CAV1: variants seen among roughly 807,000 people sequenced by gnomAD.
CAV1 encodes the protein caveolin-1.
In CAV1, 10 loss-of-function variants were observed where a neutral mutation model predicts 16.5. The ratio of observed to expected loss-of-function variants is 0.61; its 90% CI spans 0.37 to 1.03. The LOEUF (loss-of-function observed/expected upper bound fraction) is 1.03, where lower values mean the gene tolerates loss of function less well. CAV1 is among the 50% of genes least tolerant of loss of function. The pLI is 0.01. For missense variants in CAV1, 212 were observed against 232.8 expected (o/e 0.91, Z 0.58); for synonymous variants, 76 against 85.1 (o/e 0.89, Z 0.59).
chr7:116,554,763 C>T (rs1025249832), intron 2 of CAV1, among the ~76,000 whole-genome samples: 5 of 152,056 alleles, frequency 3.3e-5, no homozygotes, highest in African/African-American at 1.2e-4. Context: ...GGTGTCCTAA[C>T]TTAAAGTGGA....
intron 2 of CAV1, among the ~76,000 whole-genome samples, chr7:116,531,420 G>A (rs193005033): frequency 8.4e-4 from 128 of 152,280 alleles, no homozygotes; most frequent in Non-Finnish European, 1.4e-3. Flanking sequence ...GAAAATGCAC[G>A]CAGGTGATAA....
At chr7:116,532,077 C>T (rs1793696920) in intron 2 of CAV1, among the ~76,000 whole-genome samples, 2 of 152,186 alleles carry the variant, frequency 1.3e-5, no homozygotes, top group Non-Finnish European at 2.9e-5. Context: ...TCGGTTTTAA[C>T]TGAACATGAT....
chr7:116,537,694 C>A (rs1311787683), intron 2 of CAV1, among the ~76,000 whole-genome samples: 1 of 152,152 alleles, frequency 6.6e-6, no homozygotes, highest in Non-Finnish European at 1.5e-5. Context: ...ACTGGGTGAG[C>A]AGCTTATGGT....
At chr7:116,532,780 A>G (rs1259021590) in intron 2 of CAV1, among the ~76,000 whole-genome samples, 2 of 152,210 alleles carry the variant, frequency 1.3e-5, no homozygotes, top group Admixed American at 1.3e-4. Context: ...GAATGTGGTG[A>G]TTCTAAAGTA....
chr7:116,560,060 G>T lies in CAV1; in HGVS notation c.*773G>T. On this transcript the variant is annotated 3_prime_UTR_variant, in exon 3 of 3. Coordinates refer to ENST00000341049, the MANE Select transcript of CAV1 (RefSeq NM_001753.5). ...ATATCCATGACCTAGTTTTCCATGC[G>T]TGTTTCTGACTCTGAGCTACAGAGT... 5.3e-6 allele frequency: 2 copies of T among 380,238 alleles called. No homozygotes were observed. Among genetic ancestry groups the T allele is most frequent in the Non-Finnish European group, 9.3e-6 (2 of 214,526 alleles). 23.6% of individuals were successfully genotyped at this position (380,238 alleles called of 1,614,324 possible).
chr7:116,525,934 G>C, intron 1 of CAV1: 1 of 723,150 alleles, frequency 1.4e-6, no homozygotes, highest in African/African-American at 1.9e-5. Context: ...GAGGGCCGAG[G>C]CAGGGTGGGG....
At chr7:116,537,548 A>T (rs1030308380) in intron 2 of CAV1, among the ~76,000 whole-genome samples, 1 of 152,216 alleles carries the variant, frequency 6.6e-6, no homozygotes, top group Non-Finnish European at 1.5e-5. Context: ...TGGTAGAGTC[A>T]GGGTTTGAAC....
chr7:116,555,500 G>GGA (rs1794249847), intron 2 of CAV1, among the ~76,000 whole-genome samples: 2 of 5,868 alleles, frequency 3.4e-4, no homozygotes, highest in African/African-American at 5.5e-4. Flanking sequence ...AAGAAAGAAA[G>GGA]AAAGAAAGAA....
chr7:116,552,879 A>G (rs1794191564), intron 2 of CAV1, among the ~76,000 whole-genome samples: 1 of 152,240 alleles, frequency 6.6e-6, no homozygotes, highest in South Asian at 2.1e-4. Context: ...CATCTCTGAA[A>G]TCAAAGGATT....
At chr7:116,528,493 A>G (rs955499391) in intron 2 of CAV1, among the ~76,000 whole-genome samples, 1 of 152,240 alleles carries the variant, frequency 6.6e-6, no homozygotes, top group African/African-American at 2.4e-5. Flanking sequence ...TAGAACTGTG[A>G]GCAAAACAAG....
chr7:116,534,270 C>G (rs1409867930), intron 2 of CAV1, among the ~76,000 whole-genome samples: 1 of 146,600 alleles, frequency 6.8e-6, no homozygotes, highest in Non-Finnish European at 1.5e-5. Context: ...ACCCCATAGC[C>G]TCTTTATAAA....
chr7:116,558,485 A>G (rs1794335513), intron 2 of CAV1, among the ~76,000 whole-genome samples: 1 of 151,796 alleles, frequency 6.6e-6, no homozygotes, highest in Admixed American at 6.6e-5. Context: ...TTATTGGCTC[A>G]TCCTATTATA....
intron 2 of CAV1, among the ~76,000 whole-genome samples, chr7:116,555,592 GAAA>G (rs1562838648): frequency 9.7e-5 from 8 of 82,674 alleles, no homozygotes; most frequent in African/African-American, 3.9e-4. Flanking sequence ...AAGAAAGAAA[GAAA>G]GAAAGAAAGA....
intron 2 of CAV1, among the ~76,000 whole-genome samples, chr7:116,547,663 A>C (rs191252846): frequency 7.9e-5 from 12 of 152,338 alleles, no homozygotes; most frequent in Non-Finnish European, 1.5e-4. Context: ...GAACGATTTC[A>C]GGAATGCCAA....
rs895588111 is a variant in CAV1 at position 116,525,054 on chromosome 7, C to T, written c.-9C>T. On this transcript the variant is annotated 5_prime_UTR_variant, in exon 1 of 3. In the 5' UTR this introduces an upstream ATG that the reference lacks. Transcript: ENST00000341049. ...CCTCCTCACAGTTTTCATCCAGCCA[C>T]GGGCCAGCATGTCTGGGGGCAAATA... The T allele has an allele frequency of 4.3e-6, 7 of 1,614,088 alleles. No individual in the cohort carries two copies. The African/African-American group carries it at 8.0e-5, about 18-fold the overall frequency.
chr7:116,558,583 TAAA>T (rs35500345), intron 2 of CAV1, among the ~76,000 whole-genome samples: 6 of 132,274 alleles, frequency 4.5e-5, no homozygotes, highest in Non-Finnish European at 3.3e-5. Flanking sequence ...CTCCATCTCT[TAAA>T]AAAAAAAAAA....
chr7:116,555,889 G>A (rs955329506), intron 2 of CAV1, among the ~76,000 whole-genome samples: 3 of 152,014 alleles, frequency 2.0e-5, no homozygotes, highest in Admixed American at 2.0e-4. Context: ...TCTTTAACCT[G>A]CCTTGCTTCC....
At chr7:116,534,393 A>ATTTT (rs1451265934) in intron 2 of CAV1, among the ~76,000 whole-genome samples, 1 of 6,884 alleles carries the variant, frequency 1.5e-4, no homozygotes, top group African/African-American at 4.7e-4. Context: ...ATATATATAT[A>ATTTT]TATTTTTTTT....
chr7:116,556,996 C>A (rs961149624), intron 2 of CAV1, among the ~76,000 whole-genome samples: 1 of 152,190 alleles, frequency 6.6e-6, no homozygotes, highest in African/African-American at 2.4e-5. Context: ...GGGAAGAATG[C>A]AGTGTCAGAA....
Sources: allele counts gnomAD v4.1 joint callset (sites outside exome capture counted in the v4.1 genomes callset), GRCh38; gene constraint gnomAD v4.1.1; transcripts MANE v1.5; gene names NCBI Gene and HGNC (gene_info 2026-07-23, HGNC 2026-07-21).